Variants in PHACTR2 observed in about 807,000 individuals in gnomAD.
The protein encoded by PHACTR2 is phosphatase and actin regulator 2.
Under a neutral mutation model 76.0 loss-of-function variants are expected in PHACTR2, and 30 were observed. The ratio of observed to expected loss-of-function variants is 0.39; its 90% CI spans 0.30 to 0.54. The LOEUF is 0.54. Ranked by LOEUF, PHACTR2 falls within the 20% of genes least tolerant of loss-of-function variation. PHACTR2 has a pLI of 0.61. For synonymous variants in PHACTR2, 292 were observed against 292.5 expected, an observed-to-expected ratio of 1.00 and a Z score of 0.02; for missense variants, 696 against 781.1, an observed-to-expected ratio of 0.89 and a Z score of 1.30.
intron 11 of PHACTR2, among the ~76,000 whole-genome samples, chr6:143,805,181 T>C (rs1776036758): frequency 6.6e-6 from 1 of 152,122 alleles, no homozygotes; most frequent in African/African-American, 2.4e-5. Flanking sequence ...ACTATTCAAA[T>C]TAAAATACCT....
In PHACTR2 at chr6:143,791,649, C is replaced by T. The variant is rs1775691949; in HGVS notation, c.1845+2739C>T. 6.6e-6 allele frequency among the ~76,000 whole-genome samples: 1 copy of T among 151,866 alleles called. No homozygotes were observed. The highest frequency in any genetic ancestry group is 1.5e-5 in the Non-Finnish European group (1 of 67,978). ...TAGTTATTTTTTTGTCAGTTTGATC[C>T]ATCAGGTAACAAACAAGACATGTTA... is the stretch of plus-strand genomic sequence containing the variant. On this transcript the variant is annotated intron_variant, in intron 11 of 12. Transcript: ENST00000440869. This position sits in a 1 kb window ranked among gnomAD's most constrained non-coding sequence, Gnocchi z 4.7.
chr6:143,632,992 AT>A lies in PHACTR2; in HGVS notation c.13+24673del, dbSNP rs367714529. Among the ~76,000 whole-genome samples, 64 of 152,232 alleles carry A rather than the reference AT, an allele frequency of 4.2e-4. No homozygotes were observed. In the East Asian group the frequency reaches 0.011, roughly 27 times the overall value. ...CCACTGTCTGGACATACCACATTTT[AT>A]TTATCCATTCACCCACTGAAGGACA... is the stretch of plus-strand genomic sequence containing the variant. On this transcript the variant is annotated intron_variant, in intron 1 of 11. Coordinates refer to the PHACTR2 transcript ENST00000305766.
At chr6:143,593,864 T>C (rs1189476412) in intron 1 of PHACTR2, among the ~76,000 whole-genome samples, 1 of 152,238 alleles carries the variant, frequency 6.6e-6, no homozygotes, top group Non-Finnish European at 1.5e-5. Context: ...TCTATGATAA[T>C]AGCAACCATT....
At chr6:143,676,935 C>T (rs78537145), upstream of PHACTR2, among the ~76,000 whole-genome samples, 6,709 of 151,580 alleles carry the variant, frequency 0.044, 477 homozygotes, top group African/African-American at 0.15. The surrounding 1 kb of genome is among the most constrained non-coding windows in gnomAD (Gnocchi z 4.8). Context: ...TCAAACAAGG[C>T]TCTGCACGAT....
intron 2 of PHACTR2, among the ~76,000 whole-genome samples, chr6:143,736,088 G>C (rs1211571731): frequency 1.3e-5 from 2 of 152,068 alleles, no homozygotes; most frequent in Non-Finnish European, 2.9e-5. Context: ...GAGTGCAATG[G>C]CACAATCATA....
intron 12 of PHACTR2, among the ~76,000 whole-genome samples, chr6:143,815,330 C>A (rs2128485766): frequency 6.6e-6 from 1 of 152,230 alleles, no homozygotes; most frequent in South Asian, 2.1e-4. Context: ...ACAGGAGGAT[C>A]CCCTGAGCCC....
At chr6:143,729,929 G>A (rs1778663843) in intron 2 of PHACTR2, among the ~76,000 whole-genome samples, 1 of 136,630 alleles carries the variant, frequency 7.3e-6, no homozygotes, top group Non-Finnish European at 1.6e-5. Context: ...AACAGCATTT[G>A]TTGAAACGAC....
intron 1 of PHACTR2, among the ~76,000 whole-genome samples, chr6:143,568,650 TG>T (rs1775396966): frequency 6.6e-6 from 1 of 152,242 alleles, no homozygotes; most frequent in African/African-American, 2.4e-5. Flanking sequence ...TAAATGGAGC[TG>T]AGAATCCCAG....
chr6:143,560,370 A>T (rs1018291078), intron 1 of PHACTR2, among the ~76,000 whole-genome samples: 9 of 152,212 alleles, frequency 5.9e-5, no homozygotes, highest in African/African-American at 1.7e-4. Context: ...CTGTATCTTT[A>T]AATTAGTCTA....
chr6:143,644,520 T>G (rs1776623975), intron 1 of PHACTR2, among the ~76,000 whole-genome samples: 1 of 150,752 alleles, frequency 6.6e-6, no homozygotes, highest in South Asian at 2.1e-4. Context: ...ATATCACAGT[T>G]AGACTCAAAT....
chr6:143,643,003 C>T (rs1291756757), intron 1 of PHACTR2, among the ~76,000 whole-genome samples: 1 of 152,070 alleles, frequency 6.6e-6, no homozygotes, highest in Non-Finnish European at 1.5e-5. Context: ...ACTAAGATAG[C>T]TCATGAAAAT....
At position 143,546,122 on chromosome 6, in the gene PHACTR2, T is replaced by C. The variant is rs1048340033; in HGVS notation, c.217+8915T>C. 1.4e-4 allele frequency among the ~76,000 whole-genome samples: 21 copies of C among 152,254 alleles called. No individual in the cohort carries two copies. The highest frequency in any genetic ancestry group is 1.0e-4 in the Non-Finnish European group (7 of 68,046). Reference sequence around the variant, plus strand: ...AACATTGAAGCAGCTTTAGTGTTTTTAAAATACCATGCTGAGTGACTCATT... The same window carrying C: ...AACATTGAAGCAGCTTTAGTGTTTTCAAAATACCATGCTGAGTGACTCATT... On this transcript the variant is annotated intron_variant, in intron 1 of 11. Coordinates refer to the PHACTR2 transcript ENST00000367584. This position sits in a 1 kb window ranked among gnomAD's most constrained non-coding sequence, Gnocchi z 4.9.
chr6:143,701,397 T>C (rs1223188485), intron 1 of PHACTR2, among the ~76,000 whole-genome samples: 1 of 152,216 alleles, frequency 6.6e-6, no homozygotes, highest in Non-Finnish European at 1.5e-5. Context: ...CTTTAGTCAG[T>C]ATAAAGTATA....
chr6:143,706,387 C>A (rs1297137855), intron 1 of PHACTR2, among the ~76,000 whole-genome samples: 1 of 152,200 alleles, frequency 6.6e-6, no homozygotes, highest in Admixed American at 6.5e-5. Flanking sequence ...TAAGCAAACC[C>A]ATGCATATAT....
In PHACTR2 at chr6:143,776,511, T is replaced by A. The variant is rs1201740884; in HGVS notation, c.1590-817T>A. On this transcript the variant is annotated intron_variant, in intron 8 of 12. Transcript: ENST00000440869. This position sits in a 1 kb window ranked among gnomAD's most constrained non-coding sequence, Gnocchi z 5.3. ...AACCGCATTTTAAATACTTAACTAT[T>A]CACAGGCAGAAGTCCGTAGTCAGGT... 6.6e-6 allele frequency among the ~76,000 whole-genome samples: 1 copy of A among 152,216 alleles called. No individual in the cohort carries two copies. The highest frequency in any genetic ancestry group is 2.4e-5 in the African/African-American group (1 of 41,450).
chr6:143,717,492 T>TA lies in PHACTR2; in HGVS notation c.214+5317dup, dbSNP rs1041357796. Among the ~76,000 whole-genome samples the TA allele has an allele frequency of 8.4e-4, 128 of 151,780 alleles. 1 individual carries two copies. The highest frequency in any genetic ancestry group is 2.8e-3 in the African/African-American group (117 of 41,398). On this transcript the variant is annotated intron_variant, in intron 2 of 12. Transcript: ENST00000440869. Reference sequence around the variant, plus strand: ...ATGTAATAACATACATGGGATGTAATAAAAAAAACATGCCTTGAATTGCTT... The same window carrying TA: ...ATGTAATAACATACATGGGATGTAATAAAAAAAAACATGCCTTGAATTGCTT...
At position 143,678,538 on chromosome 6, in the gene PHACTR2, G is replaced by C. The variant is rs147847777; in HGVS notation, c.46+329G>C. 6.6e-6 allele frequency among the ~76,000 whole-genome samples: 1 copy of C among 152,182 alleles called. No individual in the cohort carries two copies. Among genetic ancestry groups the C allele is most frequent in the South Asian group, 2.1e-4 (1 of 4,832 alleles). Reference sequence around the variant, plus strand: ...AGTGTTTTTAAAAACGCGAAACTTAGAGAGCAAGAGAAACATGCCAACAGG... The same window carrying C: ...AGTGTTTTTAAAAACGCGAAACTTACAGAGCAAGAGAAACATGCCAACAGG... On this transcript the variant is annotated intron_variant, in intron 1 of 12. Coordinates refer to ENST00000440869, the MANE Select transcript of PHACTR2 (RefSeq NM_001100164.2). This position sits in a 1 kb window ranked among gnomAD's most constrained non-coding sequence, Gnocchi z 6.2.
intron 1 of PHACTR2, among the ~76,000 whole-genome samples, chr6:143,705,245 A>C (rs986954254): frequency 6.6e-6 from 1 of 151,318 alleles, no homozygotes; most frequent in African/African-American, 2.4e-5. Context: ...CAGCCTCCCA[A>C]GTAGCTGAGA....
At chr6:143,756,340 T>A (rs1395896715) in intron 4 of PHACTR2, among the ~76,000 whole-genome samples, 1 of 152,046 alleles carries the variant, frequency 6.6e-6, no homozygotes, top group Non-Finnish European at 1.5e-5. Flanking sequence ...GACTTCTTCC[T>A]TAAGGTCTTT....
Sources: allele counts gnomAD v4.1 joint callset (sites outside exome capture counted in the v4.1 genomes callset), GRCh38; gene constraint gnomAD v4.1.1; non-coding constraint Gnocchi (gnomAD v3.1); transcripts MANE v1.5; gene names NCBI Gene and HGNC (gene_info 2026-07-23, HGNC 2026-07-21).